The following STPG2 variants were observed in gnomAD, a reference collection of about 807,000 sequenced individuals.
The protein encoded by STPG2 is sperm-tail PG-rich repeat-containing protein 2.
A neutral mutation model predicts 54.2 loss-of-function variants in STPG2; 56 were observed. That is an observed-to-expected ratio of 1.03 (90% CI 0.83 to 1.29). The LOEUF (loss-of-function observed/expected upper bound fraction) is 1.29, where lower values mean the gene tolerates loss of function less well. STPG2 is among the 50% of genes most tolerant of loss of function. The pLI, the probability that STPG2 is intolerant of heterozygous loss-of-function variation, is 0.00. For missense variants in STPG2, 596 were observed against 544.9 expected (o/e 1.09, Z -0.93); for synonymous variants, 200 against 181.8 (o/e 1.10, Z -0.81).
chr4:97,698,050 A>G (rs1723643111), intron 10 of STPG2, among the ~76,000 whole-genome samples: 1 of 151,854 alleles, frequency 6.6e-6, no homozygotes, highest in South Asian at 2.1e-4. Context: ...TCCACACTCT[A>G]TATTTCTTTG....
At chr4:97,980,240 A>T (rs1734629403) in intron 6 of STPG2, among the ~76,000 whole-genome samples, 2 of 152,182 alleles carry the variant, frequency 1.3e-5, no homozygotes, top group South Asian at 4.1e-4. Flanking sequence ...ACATAATTAC[A>T]TGAAACTTTT....
chr4:97,537,175 T>C (rs1231967252), intron 4 of STPG2, among the ~76,000 whole-genome samples: 1 of 152,142 alleles, frequency 6.6e-6, no homozygotes, highest in Non-Finnish European at 1.5e-5. Flanking sequence ...TTCATCTCAC[T>C]GGGACCTGTC....
intron 5 of STPG2, among the ~76,000 whole-genome samples, chr4:97,990,422 C>A (rs189275922): frequency 6.6e-6 from 1 of 152,218 alleles, no homozygotes; most frequent in African/African-American, 2.4e-5. Context: ...GGAGACCAAC[C>A]CTCAAAGTTG....
intron 8 of STPG2, among the ~76,000 whole-genome samples, chr4:97,911,695 G>A (rs1046045374): frequency 1.3e-5 from 2 of 152,176 alleles, no homozygotes. Flanking sequence ...ATCTCCCTGG[G>A]AGGGAGCCCC....
intron 4 of STPG2, among the ~76,000 whole-genome samples, chr4:97,495,710 CAAA>C (rs35288994): frequency 5.1e-5 from 6 of 117,796 alleles, no homozygotes; most frequent in Non-Finnish European, 1.1e-4. Flanking sequence ...ATGGTCAAGA[CAAA>C]AAAAAAAAAA....
At chr4:98,000,977 T>C (rs1262728358) in intron 5 of STPG2, among the ~76,000 whole-genome samples, 2 of 152,154 alleles carry the variant, frequency 1.3e-5, no homozygotes, top group African/African-American at 2.4e-5. Context: ...TACTGTATAT[T>C]AGTATTGCTT....
At chr4:97,988,393 G>A (rs1734892462) in intron 5 of STPG2, among the ~76,000 whole-genome samples, 1 of 152,022 alleles carries the variant, frequency 6.6e-6, no homozygotes, top group Non-Finnish European at 1.5e-5. Context: ...CTCCAGAAAG[G>A]TCAAGTCATT....
At chr4:97,962,452 A>G (rs955230736) in intron 7 of STPG2, among the ~76,000 whole-genome samples, 3 of 152,340 alleles carry the variant, frequency 2.0e-5, no homozygotes, top group Admixed American at 6.5e-5. Context: ...AATCAAATTA[A>G]ACATAAATCA....
chr4:97,901,975 A>G (rs1373146888), intron 8 of STPG2, among the ~76,000 whole-genome samples: 3 of 152,048 alleles, frequency 2.0e-5, no homozygotes, highest in Non-Finnish European at 4.4e-5. Context: ...AAAATAGAAC[A>G]AAATAGAAAG....
At chr4:97,741,968 T>C (rs1177216134) in intron 9 of STPG2, among the ~76,000 whole-genome samples, 2 of 152,132 alleles carry the variant, frequency 1.3e-5, no homozygotes, top group Admixed American at 1.3e-4. Context: ...CCAACCCAAA[T>C]GTCCAACAAT....
At position 97,640,231 on chromosome 4, in the gene STPG2, C is replaced by T. The variant is rs141087572; in HGVS notation, c.1320+72468G>A. Among the ~76,000 whole-genome samples, 1,046 of 151,842 alleles carry T rather than the reference C, an allele frequency of 6.9e-3. 8 individuals carry two copies. The highest frequency in any genetic ancestry group is 0.011 in the Non-Finnish European group (764 of 67,862). On this transcript the variant is annotated intron_variant, in intron 10 of 10. Transcript: ENST00000295268. Reference sequence around the variant, plus strand: ...AGAACTAGAGTTGAAACTGTGGTTTCAAAGGAACAATGATCAGCATTTAAA... The same window carrying T: ...AGAACTAGAGTTGAAACTGTGGTTTTAAAGGAACAATGATCAGCATTTAAA...
chr4:98,035,141 G>A (rs185209027), intron 5 of STPG2, among the ~76,000 whole-genome samples: 9 of 152,066 alleles, frequency 5.9e-5, no homozygotes, highest in Non-Finnish European at 5.9e-5. Flanking sequence ...AAAAAGAAAC[G>A]ATCATCAGAG....
intron 9 of STPG2, among the ~76,000 whole-genome samples, chr4:97,721,948 T>A (rs895867035): frequency 1.3e-5 from 2 of 151,972 alleles, no homozygotes; most frequent in African/African-American, 4.8e-5. Context: ...GGTCACAACC[T>A]TTGACATGAA....
chr4:97,659,424 T>A (rs190449590), intron 10 of STPG2, among the ~76,000 whole-genome samples: 24 of 61,432 alleles, frequency 3.9e-4, no homozygotes, highest in Admixed American at 5.4e-4. Context: ...AGACTTTAGA[T>A]CCCTACAGAA....
intron 10 of STPG2, among the ~76,000 whole-genome samples, chr4:97,653,281 A>C (rs1004493810): frequency 6.6e-6 from 1 of 151,860 alleles, no homozygotes; most frequent in Non-Finnish European, 1.5e-5. Context: ...AGTTTTCCTT[A>C]TTTGTCTAAT....
chr4:97,629,468 A>G (rs1388626899), intron 10 of STPG2, among the ~76,000 whole-genome samples: 1 of 152,076 alleles, frequency 6.6e-6, no homozygotes. Context: ...CAAGATGAAG[A>G]TAACAGGAAG....
chr4:97,999,010 ATT>A (rs919584788), intron 5 of STPG2, among the ~76,000 whole-genome samples: 1 of 135,610 alleles, frequency 7.4e-6, no homozygotes, highest in African/African-American at 2.8e-5. Context: ...TTCTATTTGT[ATT>A]TTTTTTTCTG....
At chr4:97,495,875 T>C (rs1042621656) in intron 4 of STPG2, among the ~76,000 whole-genome samples, 1 of 151,638 alleles carries the variant, frequency 6.6e-6, no homozygotes, top group African/African-American at 2.4e-5. Context: ...TTAACATCTG[T>C]ATATATCAGT....
At chr4:97,973,572 C>G (rs1734407079) in intron 6 of STPG2, among the ~76,000 whole-genome samples, 1 of 152,220 alleles carries the variant, frequency 6.6e-6, no homozygotes, top group Admixed American at 6.5e-5. Flanking sequence ...AAAAATGTCT[C>G]CAGGTATGTC....
Sources: allele counts gnomAD v4.1 joint callset (sites outside exome capture counted in the v4.1 genomes callset), GRCh38; gene constraint gnomAD v4.1.1; transcripts MANE v1.5; gene names NCBI Gene and HGNC (gene_info 2026-07-23, HGNC 2026-07-21).